ARSG: variants seen among roughly 807,000 people sequenced by gnomAD.
ARSG encodes arylsulfatase G, also known as ASG.
In ARSG, 37 loss-of-function variants were observed where a neutral mutation model predicts 50.5. The ratio of observed to expected loss-of-function variants is 0.73; its 90% confidence interval spans 0.56 to 0.96. ARSG has a LOEUF of 0.96. Among genes scored for constraint, ARSG ranks in the 50% least tolerant of loss-of-function variants. The pLI, the probability that ARSG is intolerant of heterozygous loss-of-function variation, is 0.00. For missense variants in ARSG, 629 were observed against 675.3 expected, an observed-to-expected ratio of 0.93 and a Z score of 0.76; for synonymous variants, 225 against 254.6, an observed-to-expected ratio of 0.88 and a Z score of 1.11.
At chr17:68,279,303 C>T (rs1314481001) in intron 1 of ARSG, among the ~76,000 whole-genome samples, 12 of 151,926 alleles carry the variant, frequency 7.9e-5, no homozygotes, top group Admixed American at 5.3e-4. Context: ...CCCTGGCCAC[C>T]GCGATCACCT....
chr17:68,303,071 C>T (rs1555762510), intron 1 of ARSG, among the ~76,000 whole-genome samples: 3 of 152,126 alleles, frequency 2.0e-5, no homozygotes, highest in African/African-American at 4.8e-5. Context: ...TTCTTTTCTT[C>T]CTTTGTTCTA....
intron 2 of ARSG, among the ~76,000 whole-genome samples, chr17:68,308,609 G>A (rs112086494): frequency 5.1e-4 from 77 of 152,338 alleles, no homozygotes; most frequent in African/African-American, 1.9e-3. Context: ...TCCACAGTGT[G>A]GAAAGGGACC....
rs528488871 is a variant in ARSG at position 68,356,459 on chromosome 17, G to A, written c.567-208G>A. On this transcript the variant is annotated intron_variant, in intron 5 of 11. Transcript: ENST00000621439. Reference sequence around the variant, plus strand: ...GCAAGCTTTACAGAGTGGTCAGCTCGTCCATGGAACATAAATATCTATTCA... The same window carrying A: ...GCAAGCTTTACAGAGTGGTCAGCTCATCCATGGAACATAAATATCTATTCA... 3.0e-4 allele frequency among the ~76,000 whole-genome samples: 45 copies of A among 152,338 alleles called. 1 individual carries two copies. The highest frequency in any genetic ancestry group is 1.0e-3 in the African/African-American group (42 of 41,586).
chr17:68,385,614 G>A (rs960516805), intron 9 of ARSG, among the ~76,000 whole-genome samples: 4 of 151,364 alleles, frequency 2.6e-5, no homozygotes, highest in African/African-American at 4.9e-5. Flanking sequence ...AGTGGGACTC[G>A]AGCCATCTTC....
At chr17:68,361,847 C>T (rs561080308) in intron 6 of ARSG, among the ~76,000 whole-genome samples, 6 of 151,984 alleles carry the variant, frequency 3.9e-5, no homozygotes, top group South Asian at 2.1e-4. Flanking sequence ...ACCCAGGAGA[C>T]GGAGGTTGCA....
In ARSG at chr17:68,386,144, A is replaced by G. The variant is rs573481200; in HGVS notation, c.1091+972A>G. 7.2e-5 allele frequency among the ~76,000 whole-genome samples: 11 copies of G among 152,290 alleles called. No individual in the cohort carries two copies. In the East Asian group the frequency reaches 9.6e-4, roughly 13 times the overall value. ...ACTTGGCTGTGCAGCGTCTATGTGA[A>G]AACAACATCTTCCCAGCTATGGAAC... On this transcript the variant is annotated intron_variant, in intron 9 of 11. Coordinates refer to ENST00000621439, the MANE Select transcript of ARSG (RefSeq NM_001267727.2).
downstream of ARSG, chr17:68,427,179 G>A (rs755132647): frequency 2.5e-5 from 40 of 1,614,006 alleles, no homozygotes; most frequent in East Asian, 1.1e-4. Flanking sequence ...GGCTACGGTC[G>A]CTGCATAAGA....
intron 9 of ARSG, among the ~76,000 whole-genome samples, chr17:68,390,436 C>A (rs1055273957): frequency 6.6e-6 from 1 of 152,178 alleles, no homozygotes; most frequent in African/African-American, 2.4e-5. Context: ...TGTCACCCTG[C>A]CCACTCTGAG....
At chr17:68,274,401 C>T (rs1426760960) in intron 1 of ARSG, 5 of 198,248 alleles carry the variant, frequency 2.5e-5, no homozygotes, top group Non-Finnish European at 4.2e-5. Flanking sequence ...GGGAGGCAGA[C>T]GATGCAGTGA....
intron 8 of ARSG, among the ~76,000 whole-genome samples, chr17:68,375,737 C>T (rs897566625): frequency 4.6e-5 from 7 of 151,934 alleles, no homozygotes; most frequent in African/African-American, 1.5e-4. Context: ...AGGCTCTGGG[C>T]GAGGGCAGCA....
intron 11 of ARSG, among the ~76,000 whole-genome samples, chr17:68,406,360 G>T (rs2081719300): frequency 6.6e-6 from 1 of 152,218 alleles, no homozygotes; most frequent in Non-Finnish European, 1.5e-5. Context: ...GTGTGTGCAA[G>T]TATCTTTTTC....
chr17:68,309,283 G>T (rs150129055), intron 2 of ARSG, among the ~76,000 whole-genome samples: 1 of 152,222 alleles, frequency 6.6e-6, no homozygotes, highest in African/African-American at 2.4e-5. Context: ...GTTCCCGCTC[G>T]CGCCTCTCCC....
At chr17:68,438,374 A>G in the ARSG span, among the ~76,000 whole-genome samples, 2 of 152,336 alleles carry the variant, frequency 1.3e-5, no homozygotes, top group East Asian at 3.9e-4. Context: ...TGCTATCCAA[A>G]TGAAATTTCA....
At chr17:68,349,773 C>G (rs982772258) in intron 4 of ARSG, among the ~76,000 whole-genome samples, 1 of 151,934 alleles carries the variant, frequency 6.6e-6, no homozygotes, top group African/African-American at 2.4e-5. Flanking sequence ...GTCCCAGCTA[C>G]TCGGGAGGCT....
rs1470594796 is a variant in ARSG at position 68,420,343 on chromosome 17, T to C, written c.1458T>C (p.Leu486=). The change falls in exon 12 of 12, where the codon CTT becomes CTC. Residue 486 remains leucine (L), a synonymous_variant. Transcript: ENST00000621439. ...QAVLPEVRKV[L]ADVLQDIAND... ...TGCTGCCCGAGGTCAGAAAGGTTCTTGCAGACGTCCTCCAAGACATTGCCA... is the reference window on the plus strand; with the variant it reads ...TGCTGCCCGAGGTCAGAAAGGTTCTCGCAGACGTCCTCCAAGACATTGCCA... 6.2e-7 allele frequency: 1 copy of C among 1,614,160 alleles called. No homozygotes were observed. Among genetic ancestry groups the C allele is most frequent in the South Asian group, 1.1e-5 (1 of 91,074 alleles).
At chr17:68,281,881 G>C (rs1259137209) in intron 1 of ARSG, among the ~76,000 whole-genome samples, 1 of 152,110 alleles carries the variant, frequency 6.6e-6, no homozygotes, top group Admixed American at 6.6e-5. Flanking sequence ...ACAAATATAG[G>C]AACACTTTTA....
rs569236864 is a variant in ARSG at position 68,362,593 on chromosome 17, A to G, written c.704+5789A>G. Among the ~76,000 whole-genome samples, 146 of 152,104 alleles carry G rather than the reference A, an allele frequency of 9.6e-4. 1 individual carries two copies. The highest frequency in any genetic ancestry group is 1.6e-3 in the Non-Finnish European group (112 of 67,988). On this transcript the variant is annotated intron_variant, in intron 6 of 11. Coordinates refer to ENST00000621439, the MANE Select transcript of ARSG (RefSeq NM_001267727.2). ...CTCTCCTACGGGCTGAGTATTCCGT[A>G]TCTGGAATGCTTGGGACCAGAAGTA...
At chr17:68,303,390 G>A (rs2076492350) in intron 1 of ARSG, among the ~76,000 whole-genome samples, 1 of 152,174 alleles carries the variant, frequency 6.6e-6, no homozygotes, top group Non-Finnish European at 1.5e-5. Flanking sequence ...CTCCCAAAGT[G>A]CTGGGATTAC....
chr17:68,432,705 G>C, the ARSG span, among the ~76,000 whole-genome samples: 9 of 152,288 alleles, frequency 5.9e-5, no homozygotes, highest in African/African-American at 2.2e-4. Flanking sequence ...AAGGGTACCA[G>C]CAACCAACTC....
Sources: gnomAD v4.1 joint callset for allele counts (sites outside exome capture counted in the v4.1 genomes callset) on GRCh38, gnomAD v4.1.1 for gene constraint, MANE v1.5 for transcripts, NCBI Gene and HGNC (gene_info 2026-07-23, HGNC 2026-07-21) for gene names.